COA8: variants seen among roughly 807,000 people sequenced by gnomAD.
COA8 encodes cytochrome c oxidase assembly factor 8.
In COA8, 20 loss-of-function variants were observed where a neutral mutation model predicts 22.0. The ratio of observed to expected loss-of-function variants is 0.91; its 90% confidence interval spans 0.64 to 1.32. The LOEUF (loss-of-function observed/expected upper bound fraction) is 1.32. Among genes scored for constraint, COA8 ranks in the 40% most tolerant of loss-of-function variants. The probability of loss-of-function intolerance (pLI) is 0.00; values close to 1 mark genes in which losing one functional copy is unlikely to be tolerated. For missense variants in COA8, 266 were observed against 230.0 expected (o/e 1.16, Z -1.01); for synonymous variants, 105 against 79.9 (o/e 1.31, Z -1.68).
At chr14:103,585,455 G>T (rs2076298789) in intron 3 of COA8, among the ~76,000 whole-genome samples, 1 of 143,958 alleles carries the variant, frequency 6.9e-6, no homozygotes, top group Non-Finnish European at 1.5e-5. Flanking sequence ...CTCCAGCCTG[G>T]GCAACAAAAG....
intron 3 of COA8, among the ~76,000 whole-genome samples, chr14:103,583,541 C>CA (rs35726464): frequency 0.038 from 1,965 of 52,338 alleles, 40 homozygotes; most frequent in Non-Finnish European, 0.046. Context: ...GACTCGATCT[C>CA]AAAAAAAAAA....
intron 4 of COA8, 128 bp downstream of exon 4, chr14:103,587,492 TTTTTTTTC>T (rs1326475299): frequency 1.5e-5 from 8 of 532,896 alleles, no homozygotes; most frequent in Admixed American, 7.7e-5. Context: ...TTATCAACTT[TTTTTTTTC>T]TTTTTTTCTT....
At chr14:103,567,479 C>T (rs2076144569) in intron 1 of COA8, 1 of 151,826 alleles carries the variant, frequency 6.6e-6, no homozygotes. Context: ...AAAACTTTTC[C>T]CAATACCCTG....
intron 2 of COA8, among the ~76,000 whole-genome samples, chr14:103,573,904 T>A (rs1170675202): frequency 1.3e-5 from 2 of 152,078 alleles, no homozygotes; most frequent in African/African-American, 4.8e-5. Context: ...ATTGAACATC[T>A]TCTCAAATCC....
rs534373626 is a variant in COA8 at position 103,587,182 on chromosome 14, G to T, written c.386-92G>T. The T allele has an allele frequency of 3.2e-6, 3 of 930,426 alleles. No homozygotes were observed. The Admixed American group carries it at 7.1e-5, about 22-fold the overall frequency. 57.6% of individuals were successfully genotyped at this position (930,426 alleles called of 1,614,324 possible). ...TGTATATTGGTCTTGTATATATCCT[G>T]CAAGCTTGCTGAACTCATTTATTAG... On this transcript the variant is annotated intron_variant, in intron 3 of 4. Transcript: ENST00000409074.
At chr14:103,567,896 G>A (rs532569479) in intron 1 of COA8, among the ~76,000 whole-genome samples, 58 of 152,136 alleles carry the variant, frequency 3.8e-4, no homozygotes, top group Admixed American at 1.0e-3. Context: ...CTCCCATCTC[G>A]TTGGCATTCC....
In COA8 at chr14:103,590,240, G is replaced by C; in HGVS notation, c.536G>C (p.Arg179Thr). 6.2e-7 allele frequency: 1 copy of C among 1,614,124 alleles called. No homozygotes were observed. The highest frequency in any genetic ancestry group is 1.1e-5 in the South Asian group (1 of 91,086). ...TFFMGKVALERIWNKLKQKQK... is the reference protein window; with the variant it reads ...TFFMGKVALETIWNKLKQKQK... ...TTCATGGGAAAAGTGGCCCTGGAAAGGATTTGGAACAAGCTTAAACAGAAA... is the reference window on the plus strand; with the variant it reads ...TTCATGGGAAAAGTGGCCCTGGAAACGATTTGGAACAAGCTTAAACAGAAA... The change falls in exon 5 of 5, where the codon AGG (arginine) becomes ACG (threonine). Residue 179 changes from arginine to threonine, a missense_variant. Physicochemically the swap from Arg to Thr is moderately conservative, Grantham distance 71. Coordinates refer to ENST00000409074, the MANE Select transcript of COA8 (RefSeq NM_001370595.2).
At chr14:103,574,524 T>C (rs1242962456) in intron 3 of COA8, 2 of 479,078 alleles carry the variant, frequency 4.2e-6, no homozygotes, top group Non-Finnish European at 8.2e-6. Context: ...CCTCTCCTTA[T>C]TTTCTCCTGG....
At chr14:103,589,613 CA>C (rs199846322) in intron 4 of COA8, among the ~76,000 whole-genome samples, 1 of 151,084 alleles carries the variant, frequency 6.6e-6, no homozygotes, top group Non-Finnish European at 1.5e-5. Context: ...AAAAACAAAA[CA>C]AAAAAAACTC....
chr14:103,589,291 ATTTAC>A (rs2076333218), intron 4 of COA8, among the ~76,000 whole-genome samples: 1 of 152,156 alleles, frequency 6.6e-6, no homozygotes, highest in South Asian at 2.1e-4. Flanking sequence ...GGAAGCGCTT[ATTTAC>A]TTTGGGCACT....
rs1231523685 is a variant in COA8 at position 103,563,121 on chromosome 14, CG to C, written c.123+1del. ...CCGAGCGCAGGGATACGGCGCCCAG[CG>C]GGGTAAGCAGGGGCCTGGGGACATT... ...GAERRDTAPS[G>X]VSRFCPPRKS... On this transcript the variant is annotated frameshift_variant and splice_region_variant, in exon 1 of 5. Coordinates refer to ENST00000409074, the MANE Select transcript of COA8 (RefSeq NM_001370595.2). LOFTEE classifies it high-confidence loss of function. 1 of 1,539,162 alleles carries C rather than the reference CG, an allele frequency of 6.5e-7. No individual in the cohort carries two copies.
At chr14:103,589,900 C>T (rs897134328) in intron 4 of COA8, among the ~76,000 whole-genome samples, 11 of 151,396 alleles carry the variant, frequency 7.3e-5, no homozygotes, top group African/African-American at 1.7e-4. Context: ...GGCGACAGAC[C>T]GAGACTCCGT....
At chr14:103,584,622 AT>A (rs1181957020) in intron 3 of COA8, among the ~76,000 whole-genome samples, 2 of 151,944 alleles carry the variant, frequency 1.3e-5, no homozygotes, top group African/African-American at 4.8e-5. Flanking sequence ...GGCCTGACCT[AT>A]TTTTTTATTT....
intron 1 of COA8, among the ~76,000 whole-genome samples, chr14:103,563,642 T>C (rs1426731894): frequency 6.6e-6 from 1 of 152,236 alleles, no homozygotes; most frequent in Admixed American, 6.5e-5. Context: ...GTAGCAAGAA[T>C]GTCTGTGGCA....
At chr14:103,587,486 C>A (rs2076316776) in intron 4 of COA8, 122 bp downstream of exon 4, 214 of 452,074 alleles carry the variant, frequency 4.7e-4, no homozygotes, top group Non-Finnish European at 7.0e-4. Context: ...AAGACTTTAT[C>A]AACTTTTTTT....
intron 3 of COA8, among the ~76,000 whole-genome samples, chr14:103,577,925 G>A (rs945743999): frequency 4.7e-5 from 7 of 150,156 alleles, no homozygotes; most frequent in African/African-American, 1.7e-4. Context: ...TCAGGAGGCT[G>A]AGGCAGAAGA....
intron 3 of COA8, 164 bp downstream of exon 3, chr14:103,574,334 C>A: frequency 2.2e-6 from 2 of 914,308 alleles, no homozygotes; most frequent in Non-Finnish European, 3.5e-6. Flanking sequence ...CTTGCACACC[C>A]AGTTCCCAGG....
At chr14:103,577,614 C>T (rs1019681865) in intron 3 of COA8, among the ~76,000 whole-genome samples, 2 of 152,078 alleles carry the variant, frequency 1.3e-5, no homozygotes, top group Admixed American at 6.6e-5. Context: ...CTTGGTGGCT[C>T]ATACCTGTAA....
In COA8 at chr14:103,563,041, CCT is replaced by C; in HGVS notation, c.45_46del (p.Cys16ProfsTer38). On this transcript the variant is annotated frameshift_variant, in exon 1 of 5. Coordinates refer to ENST00000409074, the MANE Select transcript of COA8 (RefSeq NM_001370595.2). LOFTEE classifies it high-confidence loss of function. ...GGCGGGGAAGAAGACCTTTCTCCCC[CCT>C]CTCTGCCGCGCCTTCGCCTGCCGCG... ...LRAGKKTFLP[P>X]LCRAFACRGC... is the part of the protein sequence containing the mutation. 3 of 1,543,744 alleles carry C rather than the reference CCT, an allele frequency of 1.9e-6. No individual in the cohort carries two copies. The highest frequency in any genetic ancestry group is 2.4e-5 in the East Asian group (1 of 41,918).
Sources: gnomAD v4.1 joint callset for allele counts (sites outside exome capture counted in the v4.1 genomes callset) on GRCh38, gnomAD v4.1.1 for gene constraint, MANE v1.5 for transcripts, NCBI Gene and HGNC (gene_info 2026-07-23, HGNC 2026-07-21) for gene names.